The following GCNT2 variants were observed in gnomAD, a reference collection of about 807,000 sequenced individuals.
The protein encoded by GCNT2 is glucosaminyl (N-acetyl) transferase 2 (I blood group).
A neutral mutation model predicts 34.2 loss-of-function variants in GCNT2; 34 were observed. The ratio of observed to expected loss-of-function variants is 1.00; its 90% CI spans 0.76 to 1.32. GCNT2 has a LOEUF of 1.32. Among genes scored for constraint, GCNT2 ranks in the 40% most tolerant of loss-of-function variants. The pLI is 0.00. For synonymous variants in GCNT2, 212 were observed against 188.0 expected (o/e 1.13, Z -1.04); for missense variants, 584 against 489.4 (o/e 1.19, Z -1.82).
intron 3 of GCNT2, chr6:10,555,900 G>C: frequency 1.0e-6 from 1 of 1,001,674 alleles, no homozygotes; most frequent in Non-Finnish European, 1.2e-6. Flanking sequence ...AGGCCAGGCT[G>C]TGGATCCTTG....
intron 3 of GCNT2, among the ~76,000 whole-genome samples, chr6:10,554,114 T>C (rs1392887172): frequency 6.6e-6 from 1 of 152,226 alleles, no homozygotes; most frequent in Non-Finnish European, 1.5e-5. Flanking sequence ...CCTGGAGGGC[T>C]GACTTGTTCA....
At position 10,574,111 on chromosome 6, in the gene GCNT2, G is replaced by A. The variant is rs116185622; in HGVS notation, c.925+44275G>A. On this transcript the variant is annotated intron_variant, in intron 3 of 4. Transcript: ENST00000495262. ...CTCTTAAGAACCCTATGGGGTCAGC[G>A]TTCTTAATGTCTCCATTCTGTAGAA... Among the ~76,000 whole-genome samples, 1,108 of 152,286 alleles carry A rather than the reference G, an allele frequency of 7.3e-3. 16 individuals are homozygous for A. The highest frequency in any genetic ancestry group is 0.025 in the African/African-American group (1,044 of 41,560).
At chr6:10,537,698 C>CAAA (rs201257236) in intron 3 of GCNT2, among the ~76,000 whole-genome samples, 56 of 83,180 alleles carry the variant, frequency 6.7e-4, no homozygotes, top group Middle Eastern at 6.7e-3. Flanking sequence ...GATTCTGCCG[C>CAAA]AAAAAAAAAA....
At chr6:10,616,553 A>G (rs1003108619) in intron 3 of GCNT2, among the ~76,000 whole-genome samples, 1 of 152,142 alleles carries the variant, frequency 6.6e-6, no homozygotes, top group Non-Finnish European at 1.5e-5. Context: ...CTAGACACAG[A>G]GTGCTGATTG....
At chr6:10,625,302 G>C (rs1331386570) in intron 4 of GCNT2, among the ~76,000 whole-genome samples, 4 of 152,070 alleles carry the variant, frequency 2.6e-5, no homozygotes, top group Non-Finnish European at 4.4e-5. Context: ...TTCATCACTT[G>C]ATTCTTCTCT....
chr6:10,546,792 A>C (rs1029032149), intron 3 of GCNT2, among the ~76,000 whole-genome samples: 5 of 152,192 alleles, frequency 3.3e-5, no homozygotes, highest in African/African-American at 9.7e-5. Context: ...CCTTATTTTA[A>C]AAATGTAAAC....
intron 3 of GCNT2, among the ~76,000 whole-genome samples, chr6:10,564,839 T>C (rs1191476153): frequency 2.0e-5 from 3 of 152,104 alleles, no homozygotes; most frequent in African/African-American, 4.8e-5. Context: ...TACTGAGAAA[T>C]AGTAGTGAAT....
chr6:10,562,668 A>AAAC (rs1554130704), intron 3 of GCNT2, among the ~76,000 whole-genome samples: 4 of 150,808 alleles, frequency 2.7e-5, no homozygotes, highest in Non-Finnish European at 5.9e-5. Context: ...AAAAAAAAAA[A>AAAC]AAAAAAAAAC....
intron 3 of GCNT2, chr6:10,575,144 G>A: frequency 2.4e-6 from 1 of 415,966 alleles, no homozygotes; most frequent in Non-Finnish European, 4.5e-6. Context: ...ACATATACGT[G>A]GCCAAAGGAA....
chr6:10,606,672 T>TAATGGAAAGTTCCATTAAAGAAATTG (rs1765330176), intron 3 of GCNT2, among the ~76,000 whole-genome samples: 1 of 150,920 alleles, frequency 6.6e-6, no homozygotes, highest in Non-Finnish European at 1.5e-5. Flanking sequence ...TAAAGAAATT[T>TAATGGAAAGTTCCATTAAAGAAATTG]AATAGTGGTT....
chr6:10,611,175 A>T (rs907104619), intron 3 of GCNT2, among the ~76,000 whole-genome samples: 11 of 151,690 alleles, frequency 7.3e-5, no homozygotes, highest in Non-Finnish European at 8.8e-5. Flanking sequence ...GCTTGAGTCC[A>T]GGAGTTTGAC....
At chr6:10,540,748 AGTTTATTTTCTGAT>A (rs1444584966) in intron 3 of GCNT2, among the ~76,000 whole-genome samples, 2 of 152,158 alleles carry the variant, frequency 1.3e-5, no homozygotes, top group African/African-American at 4.8e-5. Flanking sequence ...CATTACAGGA[AGTTTATTTTCTGAT>A]TTTTCAATTC....
chr6:10,596,389 T>C (rs1291972196), intron 3 of GCNT2, among the ~76,000 whole-genome samples: 2 of 151,890 alleles, frequency 1.3e-5, no homozygotes, highest in Non-Finnish European at 2.9e-5. Context: ...GGCGTGGTGG[T>C]GCATGCCTGT....
Position 10,528,882 on chromosome 6 carries a change from A to C in GCNT2, c.-30A>C. On this transcript the variant is annotated 5_prime_UTR_variant, in exon 3 of 5. Transcript: ENST00000495262. Reference sequence around the variant, plus strand: ...CTACACTCTGATCCTATCTCAAGAGAGAGATATTTTACTCATTTCCTGGTT... The same window carrying C: ...CTACACTCTGATCCTATCTCAAGAGCGAGATATTTTACTCATTTCCTGGTT... 8 of 1,486,352 alleles carry C rather than the reference A, an allele frequency of 5.4e-6. No homozygotes were observed. The highest frequency in any genetic ancestry group is 6.6e-6 in the Non-Finnish European group (7 of 1,064,230). The allele number at this position is 1,486,352 out of a possible 1,614,324, so 92.1% of individuals were successfully genotyped here. A position where few individuals can be genotyped will look rare whatever the true frequency, so the allele number is the denominator to read the frequency against.
chr6:10,555,697 G>A (rs1321331360), intron 3 of GCNT2: 1 of 984,014 alleles, frequency 1.0e-6, no homozygotes, highest in East Asian at 1.1e-4. Flanking sequence ...AGACCCCCTG[G>A]GACAGGAACT....
intron 3 of GCNT2, among the ~76,000 whole-genome samples, chr6:10,581,469 C>T (rs982745243): frequency 2.6e-5 from 4 of 152,040 alleles, no homozygotes; most frequent in African/African-American, 4.8e-5. Flanking sequence ...AGGGTTTCTC[C>T]ATGATGGTCA....
intron 3 of GCNT2, among the ~76,000 whole-genome samples, chr6:10,600,357 G>A (rs935519247): frequency 6.6e-5 from 10 of 152,132 alleles, no homozygotes; most frequent in Admixed American, 3.3e-4. Context: ...AAGGAGATCC[G>A]TTCTGTTTTA....
chr6:10,592,766 A>G (rs1764704725), intron 3 of GCNT2, among the ~76,000 whole-genome samples: 1 of 152,102 alleles, frequency 6.6e-6, no homozygotes, highest in South Asian at 2.1e-4. Context: ...TATTTGAGAC[A>G]GAGTACCACT....
intron 3 of GCNT2, among the ~76,000 whole-genome samples, chr6:10,547,149 A>C (rs771655729): frequency 7.2e-5 from 11 of 152,168 alleles, no homozygotes; most frequent in Non-Finnish European, 1.3e-4. Context: ...CACTTGCCTA[A>C]TCATATCTGC....
Sources: allele counts gnomAD v4.1 joint callset (sites outside exome capture counted in the v4.1 genomes callset), GRCh38; gene constraint gnomAD v4.1.1; transcripts MANE v1.5; gene names NCBI Gene and HGNC (gene_info 2026-07-23, HGNC 2026-07-21).